The following FGD5 variants were observed in gnomAD, a reference collection of about 807,000 sequenced individuals.
FGD5 encodes FYVE, RhoGEF and PH domain-containing protein 5.
FGD5 carries 28 observed loss-of-function variants against 133.4 expected under a neutral mutation model. The observed-to-expected ratio is 0.21, with a 90% confidence interval of 0.16 to 0.29. FGD5 has a LOEUF of 0.29. Ranked by LOEUF, FGD5 falls within the 10% of genes least tolerant of loss-of-function variation. The pLI is 1.00. For synonymous variants in FGD5, 810 were observed against 776.5 expected, an observed-to-expected ratio of 1.04 and a Z score of -0.72; for missense variants, 1,858 against 1,895.2, an observed-to-expected ratio of 0.98 and a Z score of 0.36.
Position 14,821,286 on chromosome 3 carries a change from G to T in FGD5, c.2215G>T (p.Val739Leu), listed in dbSNP as rs2036495592. 2 of 1,613,868 alleles carry T rather than the reference G, an allele frequency of 1.2e-6. No homozygotes were observed. The highest frequency in any genetic ancestry group is 1.7e-6 in the Non-Finnish European group (2 of 1,179,916). The stretch of plus-strand genomic sequence containing the variant: ...GAAAGGTGTCCCCTTCAGCAGGACG[G>T]TGTCCAGAGTGGAGTCCTTTGAAGA... ...KRKGVPFSRT[V>L]SRVESFEDRS... The change falls in exon 1 of 20, where the codon GTG becomes TTG. Residue 739 changes from valine to leucine, a missense_variant. Around this residue, in one of 3 missense-constraint regions of FGD5, gnomAD observed 1,824 missense variants for 1,848.9 expected, o/e 0.99. Coordinates refer to ENST00000285046, the MANE Select transcript of FGD5 (RefSeq NM_152536.4).
chr3:14,913,902 C>T (rs963735978), intron 11 of FGD5, among the ~76,000 whole-genome samples: 12 of 152,136 alleles, frequency 7.9e-5, no homozygotes, highest in Admixed American at 3.9e-4. Flanking sequence ...CGTTTCCCCT[C>T]TCCCTCCTCC....
In FGD5 at chr3:14,917,157, G is replaced by A; in HGVS notation, c.3406-92G>A. On this transcript the variant is annotated intron_variant, in intron 11 of 19. Coordinates refer to ENST00000285046, the MANE Select transcript of FGD5 (RefSeq NM_152536.4). The surrounding 1 kb of genome is among the most constrained non-coding windows in gnomAD (Gnocchi z 4.1). The stretch of plus-strand genomic sequence containing the variant: ...GGTTACTGAGGAATACAAGATGCCT[G>A]TGCACAGCGGAGCTCAGGGATCCTT... The A allele has an allele frequency of 1.7e-6, 2 of 1,171,746 alleles. No homozygotes were observed. The highest frequency in any genetic ancestry group is 5.2e-5 in the East Asian group (2 of 38,650). 72.6% of individuals were successfully genotyped at this position (1,171,746 alleles called of 1,614,324 possible).
chr3:14,906,074 G>A (rs2038334292), intron 9 of FGD5, among the ~76,000 whole-genome samples: 1 of 152,158 alleles, frequency 6.6e-6, no homozygotes, highest in South Asian at 2.1e-4. Flanking sequence ...GGGTGCTGCT[G>A]TGACCTGTGG....
At position 14,899,028 on chromosome 3, in the gene FGD5, A is replaced by G. The variant is rs1575242191; in HGVS notation, c.3154+202A>G. On this transcript the variant is annotated intron_variant, in intron 7 of 19. Coordinates refer to ENST00000285046, the MANE Select transcript of FGD5 (RefSeq NM_152536.4). Reference sequence around the variant, plus strand: ...CCTGCCACCTTAGAACGCTCCCTCCAGTGGCCACCCCTGATCCTAAAACAC... The same window carrying G: ...CCTGCCACCTTAGAACGCTCCCTCCGGTGGCCACCCCTGATCCTAAAACAC... Among the ~76,000 whole-genome samples, 4 of 152,112 alleles carry G rather than the reference A, an allele frequency of 2.6e-5. No homozygotes were observed. In the East Asian group the frequency reaches 7.8e-4, roughly 30 times the overall value.
At chr3:14,933,056 G>T in intron 19 of FGD5, 75 bp from the exon 20 acceptor site, 1 of 1,524,994 alleles carries the variant, frequency 6.6e-7, no homozygotes, top group Admixed American at 1.8e-5. Flanking sequence ...TACTAGTCCA[G>T]TCTTTTCTAG....
At chr3:14,902,910 A>T (rs1406699784) in intron 9 of FGD5, among the ~76,000 whole-genome samples, 1 of 152,106 alleles carries the variant, frequency 6.6e-6, no homozygotes, top group African/African-American at 2.4e-5. Flanking sequence ...GGAGCAGCCG[A>T]CGGCCAGACA....
At chr3:14,843,425 G>A (rs1461660617) in intron 1 of FGD5, among the ~76,000 whole-genome samples, 2 of 152,138 alleles carry the variant, frequency 1.3e-5, no homozygotes, top group Non-Finnish European at 2.9e-5. Flanking sequence ...TGAAATCAGG[G>A]GCTGGGCACC....
chr3:14,813,654 G>A (rs1159342906), intron 1 of FGD5, among the ~76,000 whole-genome samples: 3 of 152,114 alleles, frequency 2.0e-5, no homozygotes, highest in African/African-American at 7.2e-5. Context: ...TGACTGACTG[G>A]TCCCGTCCCC....
chr3:14,927,928 CTAATTTTTTTTTTTTTTT>C (rs1417905972), intron 18 of FGD5, among the ~76,000 whole-genome samples: 2 of 145,880 alleles, frequency 1.4e-5, no homozygotes, highest in African/African-American at 2.6e-5. Context: ...CCAGGCCTAG[CTAATTTTTTTTTTTTTTT>C]TAATTTTTTT....
At chr3:14,884,418 C>T (rs1247542168) in intron 4 of FGD5, among the ~76,000 whole-genome samples, 1 of 152,194 alleles carries the variant, frequency 6.6e-6, no homozygotes, top group Non-Finnish European at 1.5e-5. Context: ...CCTCCTTTAC[C>T]GTTTACTTCA....
intron 9 of FGD5, 32 bp from the exon 10 acceptor site, chr3:14,907,608 C>T (rs776712589): frequency 6.9e-6 from 11 of 1,604,126 alleles, no homozygotes; most frequent in Admixed American, 1.7e-5. Context: ...GGGGCCCTGA[C>T]CATCTCTCCC....
intron 1 of FGD5, among the ~76,000 whole-genome samples, chr3:14,841,495 C>T (rs534155984): frequency 2.0e-5 from 3 of 149,814 alleles, no homozygotes; most frequent in Non-Finnish European, 4.4e-5. Context: ...ATGAATAATT[C>T]AAGATTCCGA....
intron 1 of FGD5, among the ~76,000 whole-genome samples, chr3:14,851,011 T>C (rs529820327): frequency 6.6e-6 from 1 of 152,204 alleles, no homozygotes; most frequent in African/African-American, 2.4e-5. Context: ...CCACAGCGCG[T>C]CGTGGTGAGA....
At position 14,834,957 on chromosome 3, in the gene FGD5, C is replaced by T. The variant is rs114948172; in HGVS notation, c.2525+13361C>T. Among the ~76,000 whole-genome samples the T allele has an allele frequency of 4.7e-3, 717 of 152,298 alleles. 6 individuals are homozygous for T. The highest frequency in any genetic ancestry group is 0.016 in the African/African-American group (684 of 41,552). ...TGATATCATTAATCCTCCCAACCGC[C>T]GTGCAAGACCAGGATCATCAGCCCC... On this transcript the variant is annotated intron_variant, in intron 1 of 19. Transcript: ENST00000285046.
At chr3:14,906,115 G>C (rs1009379622) in intron 9 of FGD5, among the ~76,000 whole-genome samples, 1 of 152,066 alleles carries the variant, frequency 6.6e-6, no homozygotes, top group Non-Finnish European at 1.5e-5. Flanking sequence ...TTTCATTCTT[G>C]CTCCATATTC....
chr3:14,830,944 A>G (rs2036695791), intron 1 of FGD5, among the ~76,000 whole-genome samples: 1 of 152,210 alleles, frequency 6.6e-6, no homozygotes, highest in African/African-American at 2.4e-5. Flanking sequence ...CACGATAATT[A>G]TAGTTTATGG....
chr3:14,825,462 C>CATAT (rs59408384), intron 1 of FGD5, among the ~76,000 whole-genome samples: 3,544 of 149,108 alleles, frequency 0.024, 131 homozygotes, highest in African/African-American at 0.081. Context: ...CCCATCTCTA[C>CATAT]ATATATATAT....
chr3:14,927,455 C>T (rs1468091013), intron 18 of FGD5, among the ~76,000 whole-genome samples: 2 of 151,790 alleles, frequency 1.3e-5, no homozygotes, highest in Non-Finnish European at 2.9e-5. Context: ...CCTATCTCAA[C>T]GAAAAATAAA....
rs146938585 is a variant in FGD5 at position 14,864,375 on chromosome 3, C to A, written c.2658+115C>A. Reference sequence around the variant, plus strand: ...CGGAGCTGTTTGCAGATAGCTGGCCCCAGCTGGATGCAGGGGCTGAGACAC... The same window carrying A: ...CGGAGCTGTTTGCAGATAGCTGGCCACAGCTGGATGCAGGGGCTGAGACAC... On this transcript the variant is annotated intron_variant, in intron 2 of 19. Transcript: ENST00000285046. 5,758 of 1,518,268 alleles carry A rather than the reference C, an allele frequency of 3.8e-3. 20 individuals are homozygous for A. The highest frequency in any genetic ancestry group is 4.7e-3 in the Non-Finnish European group (5,216 of 1,109,766). The allele number at this position is 1,518,268 out of a possible 1,614,324, so 94.0% of individuals were successfully genotyped here.
Sources: allele counts gnomAD v4.1 joint callset (sites outside exome capture counted in the v4.1 genomes callset), GRCh38; gene constraint gnomAD v4.1.1; regional missense constraint gnomAD v4.1.1; non-coding constraint Gnocchi (gnomAD v3.1); transcripts MANE v1.5; gene names NCBI Gene and HGNC (gene_info 2026-07-23, HGNC 2026-07-21).